The following ANK3 variants were observed in gnomAD, a reference collection of about 807,000 sequenced individuals.
The protein encoded by ANK3 is ankyrin 3, also known as ankyrin-3.
In ANK3, 57 loss-of-function variants were observed where a neutral mutation model predicts 370.9. The ratio of observed to expected loss-of-function variants is 0.15; its 90% CI spans 0.12 to 0.19. The LOEUF is 0.19. Ranked by LOEUF, ANK3 falls within the 10% of genes least tolerant of loss-of-function variation. The pLI is 1.00. For synonymous variants in ANK3, 1,929 were observed against 1,946.3 expected (o/e 0.99, Z 0.23); for missense variants, 4,439 against 5,302.1 (o/e 0.84, Z 5.06).
intron 1 of ANK3, among the ~76,000 whole-genome samples, chr10:60,635,988 A>G (rs2078549940): frequency 6.6e-6 from 1 of 152,208 alleles, no homozygotes. Context: ...TTCATAGTGA[A>G]ACATTTTAAG....
chr10:60,687,126 T>C (rs1186059947), intron 1 of ANK3, among the ~76,000 whole-genome samples: 3 of 152,230 alleles, frequency 2.0e-5, no homozygotes, highest in Admixed American at 1.3e-4. Context: ...AAATTCACTC[T>C]ATAATGTTTG....
At position 60,124,975 on chromosome 10, in the gene ANK3, T is replaced by C. The variant is rs138945210; in HGVS notation, c.2841+9296A>G. 2.3e-3 allele frequency among the ~76,000 whole-genome samples: 354 copies of C among 152,300 alleles called. 1 individual carries two copies. The highest frequency in any genetic ancestry group is 3.4e-3 in the Non-Finnish European group (231 of 68,000). ...AGTGTATTAAGTATTATAATTATTG[T>C]GACGTGCAGTGGATATTGAGTGAAA... On this transcript the variant is annotated intron_variant, in intron 25 of 43. Coordinates refer to ENST00000280772, the MANE Select transcript of ANK3 (RefSeq NM_020987.5).
At chr10:60,480,127 G>C (rs1353099468) in intron 2 of ANK3, among the ~76,000 whole-genome samples, 1 of 152,060 alleles carries the variant, frequency 6.6e-6, no homozygotes, top group Non-Finnish European at 1.5e-5. Flanking sequence ...GAAGGGTCAG[G>C]GACTACTCCT....
At chr10:60,128,384 C>T (rs201062840) in intron 25 of ANK3, among the ~76,000 whole-genome samples, 2 of 146,126 alleles carry the variant, frequency 1.4e-5, no homozygotes, top group Non-Finnish European at 3.0e-5. Context: ...CATTTTTTTT[C>T]TTTTTTTTTT....
At chr10:60,731,944 TG>T in intron 1 of ANK3, among the ~76,000 whole-genome samples, 1 of 152,260 alleles carries the variant, frequency 6.6e-6, no homozygotes. Flanking sequence ...AACCACCAAT[TG>T]ACTTGGTTGA....
intron 23 of ANK3, among the ~76,000 whole-genome samples, chr10:60,145,612 T>C (rs1188674069): frequency 6.6e-6 from 1 of 152,192 alleles, no homozygotes; most frequent in African/African-American, 2.4e-5. Context: ...GTTATTTCCA[T>C]TTCAAAATAA....
chr10:60,496,912 CA>C (rs1290951122), intron 2 of ANK3, among the ~76,000 whole-genome samples: 4 of 152,138 alleles, frequency 2.6e-5, no homozygotes, highest in African/African-American at 9.7e-5. Flanking sequence ...CAAAATTATA[CA>C]GACTACCATT....
intron 23 of ANK3, among the ~76,000 whole-genome samples, chr10:60,150,631 G>C (rs553287273): frequency 6.6e-6 from 1 of 152,056 alleles, no homozygotes; most frequent in Non-Finnish European, 1.5e-5. Context: ...GTTGTAGTGA[G>C]TAAGTACTCA....
chr10:60,649,970 G>A lies in ANK3; in HGVS notation c.58-34746C>T, dbSNP rs1032039675. On this transcript the variant is annotated intron_variant, in intron 1 of 43. Coordinates refer to the ANK3 transcript ENST00000373827. ...ACCTTGCCTTTTGTTCACTGCATGA[G>A]AGCACATGTCTAGATGAAGTCTCCA... Among the ~76,000 whole-genome samples the A allele has an allele frequency of 2.6e-5, 4 of 152,260 alleles. No individual in the cohort carries two copies. The South Asian group carries it at 8.3e-4, about 32-fold the overall frequency.
In ANK3 at chr10:60,279,751, T is replaced by C. The variant is rs905762166; in HGVS notation, c.115-112A>G. 3.8e-6 allele frequency: 3 copies of C among 799,024 alleles called. No individual in the cohort carries two copies. In the Admixed American group the frequency reaches 8.9e-5, roughly 24 times the overall value. The allele number at this position is 799,024 out of a possible 1,614,324, so 49.5% of individuals were successfully genotyped here. On this transcript the variant is annotated intron_variant, in intron 1 of 43. Transcript: ENST00000280772. ...TAATTGAACTCTTTTATTTCTAACA[T>C]GAAAATATGAATAAAAGTTCTTTGT...
At chr10:60,105,837 T>C (rs2092096402) in intron 28 of ANK3, 68 bp downstream of exon 28, 2 of 1,471,804 alleles carry the variant, frequency 1.4e-6, no homozygotes, top group Non-Finnish European at 1.8e-6. Context: ...TCCTGTTTCA[T>C]GTAATCTAGT....
chr10:60,555,667 C>T (rs76349630), intron 2 of ANK3, among the ~76,000 whole-genome samples: 3,257 of 152,086 alleles, frequency 0.021, 51 homozygotes, highest in Non-Finnish European at 0.033. Context: ...TATGTCATGA[C>T]TAGAAAGTAC....
chr10:60,621,514 A>T (rs755536183), intron 1 of ANK3, among the ~76,000 whole-genome samples: 1 of 152,220 alleles, frequency 6.6e-6, no homozygotes, highest in Non-Finnish European at 1.5e-5. Flanking sequence ...TGTCACTATC[A>T]CATCAACATT....
intron 26 of ANK3, chr10:60,111,730 T>C (rs1252515491): frequency 4.4e-6 from 2 of 455,492 alleles, no homozygotes; most frequent in Non-Finnish European, 8.8e-6. Context: ...GACACAGTTA[T>C]CACCTTGAAT....
chr10:60,619,356 A>C (rs1477781858), intron 1 of ANK3, among the ~76,000 whole-genome samples: 1 of 152,128 alleles, frequency 6.6e-6, no homozygotes, highest in Non-Finnish European at 1.5e-5. Flanking sequence ...CCCAGATCTC[A>C]TTCTGCCAAG....
rs535426029 is a variant in ANK3 at position 60,141,697 on chromosome 10, T to C, written c.2615-2610A>G. Among the ~76,000 whole-genome samples the C allele has an allele frequency of 2.4e-3, 344 of 144,956 alleles. 1 individual carries two copies. Among genetic ancestry groups the C allele is most frequent in the Middle Eastern group, 0.014 (4 of 284 alleles). ...AAGCAGTCTTTTATAAGAGCACATCTATCCCCTTGGAATGTTACCTAAATA... is the reference window on the plus strand; with the variant it reads ...AAGCAGTCTTTTATAAGAGCACATCCATCCCCTTGGAATGTTACCTAAATA... On this transcript the variant is annotated intron_variant, in intron 23 of 43. Coordinates refer to ENST00000280772, the MANE Select transcript of ANK3 (RefSeq NM_020987.5).
At chr10:60,362,124 T>A (rs2058702109) in intron 1 of ANK3, among the ~76,000 whole-genome samples, 1 of 151,348 alleles carries the variant, frequency 6.6e-6, no homozygotes. Flanking sequence ...TCTCAGGATG[T>A]CCTATGTGGT....
chr10:60,248,719 G>A (rs1458135732), intron 7 of ANK3, among the ~76,000 whole-genome samples: 1 of 152,152 alleles, frequency 6.6e-6, no homozygotes, highest in Non-Finnish European at 1.5e-5. Flanking sequence ...GTTCACAGAG[G>A]AGCAAAGTGA....
intron 13 of ANK3, among the ~76,000 whole-genome samples, chr10:60,199,792 G>A (rs2096645329): frequency 6.6e-6 from 1 of 152,098 alleles, no homozygotes; most frequent in South Asian, 2.1e-4. Context: ...GGTTGTGATT[G>A]TTCTAGAAGC....
Sources: allele counts gnomAD v4.1 joint callset (sites outside exome capture counted in the v4.1 genomes callset), GRCh38; gene constraint gnomAD v4.1.1; transcripts MANE v1.5; gene names NCBI Gene and HGNC (gene_info 2026-07-23, HGNC 2026-07-21).